VAV2: variants seen among roughly 807,000 people sequenced by gnomAD.
VAV2 encodes guanine nucleotide exchange factor VAV2.
VAV2 carries 67 observed loss-of-function variants against 132.5 expected under a neutral mutation model. The observed-to-expected ratio is 0.51, with a 90% CI of 0.42 to 0.62. The LOEUF (loss-of-function observed/expected upper bound fraction) is 0.62. Ranked by LOEUF, VAV2 falls within the 20% of genes least tolerant of loss-of-function variation. VAV2 has a pLI of 0.00. For missense variants in VAV2, 938 were observed against 1,153.6 expected (o/e 0.81, Z 2.71); for synonymous variants, 492 against 443.5 (o/e 1.11, Z -1.37).
rs924667013 is a variant in VAV2, at chr9:133,804,297, C to T, written c.836+1784G>A. 2.6e-5 allele frequency among the ~76,000 whole-genome samples: 4 copies of T among 152,196 alleles called. No individual in the cohort carries two copies. The highest frequency in any genetic ancestry group is 4.4e-5 in the Non-Finnish European group (3 of 68,040). ...CTGACAGCCCCTTCCCCAAACAGAC[C>T]CCGACTGACGGATCTCGCCACACGC... On this transcript the variant is annotated intron_variant, in intron 9 of 29. Coordinates refer to ENST00000371850, the MANE Select transcript of VAV2 (RefSeq NM_001134398.2). The surrounding 1 kb of genome is among the most constrained non-coding windows in gnomAD (Gnocchi z 4.5).
chr9:133,988,632 C>T (rs116911072), intron 1 of VAV2, among the ~76,000 whole-genome samples: 48 of 152,310 alleles, frequency 3.2e-4, no homozygotes, highest in African/African-American at 7.0e-4. Context: ...CCTTAAGAAA[C>T]GTGAGTTTCA....
At position 133,834,974 on chromosome 9, in the gene VAV2, G is replaced by T. The variant is rs1255235643; in HGVS notation, c.381-634C>A. 6.6e-6 allele frequency among the ~76,000 whole-genome samples: 1 copy of T among 152,152 alleles called. No individual in the cohort carries two copies. Among genetic ancestry groups the T allele is most frequent in the Non-Finnish European group, 1.5e-5 (1 of 68,022 alleles). On this transcript the variant is annotated intron_variant, in intron 3 of 29. Transcript: ENST00000371850. This position sits in a 1 kb window ranked among gnomAD's most constrained non-coding sequence, Gnocchi z 5.9. ...GAAGCCCCATGGGGTCTCCCCAGAA[G>T]GAACGCGGCGGTGCTCCCCCACACT...
At chr9:133,891,887 T>G (rs1243433948) in intron 2 of VAV2, among the ~76,000 whole-genome samples, 5 of 63,638 alleles carry the variant, frequency 7.9e-5, no homozygotes, top group Admixed American at 1.9e-4. Context: ...GGGATGGAGT[T>G]GGGAGAGGTG....
chr9:133,904,265 A>G (rs905835686), intron 2 of VAV2, among the ~76,000 whole-genome samples: 2 of 152,244 alleles, frequency 1.3e-5, no homozygotes, highest in African/African-American at 4.8e-5. Flanking sequence ...AGACCCCTCT[A>G]GAGAACTGAA....
chr9:133,818,857 T>C (rs1295428248), intron 4 of VAV2, among the ~76,000 whole-genome samples: 1 of 152,076 alleles, frequency 6.6e-6, no homozygotes, highest in Non-Finnish European at 1.5e-5. Context: ...CTATGAACGA[T>C]ACTCAGCCTC....
chr9:133,916,206 G>T (rs1840083187), intron 2 of VAV2, among the ~76,000 whole-genome samples: 2 of 152,372 alleles, frequency 1.3e-5, no homozygotes, highest in Middle Eastern at 3.4e-3. Context: ...CTCCTAGCCA[G>T]CGGGGTTATC....
rs1838580879 is a variant in VAV2, at chr9:133,883,482, T to C, written c.322-22050A>G. ...CCACTTAAAAATTCGTCGGAACATG[T>C]TGAAACAATGAGGGGATAGAACAAC... On this transcript the variant is annotated intron_variant, in intron 2 of 29. Coordinates refer to ENST00000371850, the MANE Select transcript of VAV2 (RefSeq NM_001134398.2). This position sits in a 1 kb window ranked among gnomAD's most constrained non-coding sequence, Gnocchi z 4.2. 2.0e-5 allele frequency among the ~76,000 whole-genome samples: 3 copies of C among 152,100 alleles called. No homozygotes were observed. In the South Asian group the frequency reaches 6.2e-4, roughly 32 times the overall value.
chr9:133,881,235 A>C (rs188315622), intron 2 of VAV2, among the ~76,000 whole-genome samples: 2 of 152,378 alleles, frequency 1.3e-5, no homozygotes, highest in African/African-American at 4.8e-5. Context: ...GGCTCCAGAC[A>C]CAGAGAGATG....
At chr9:133,776,457 C>T (rs1260741575) in intron 23 of VAV2, among the ~76,000 whole-genome samples, 2 of 152,154 alleles carry the variant, frequency 1.3e-5, no homozygotes, top group Admixed American at 1.3e-4. Context: ...TGGTGGTGGC[C>T]ACACTCAGGC....
intron 18 of VAV2, 114 bp from the exon 19 acceptor site, chr9:133,783,705 G>T: frequency 1.1e-6 from 1 of 876,826 alleles, no homozygotes; most frequent in Non-Finnish European, 1.9e-6. Flanking sequence ...CTGTCTCCCA[G>T]CACACACATC....
At chr9:133,848,841 G>A (rs1013550946) in intron 3 of VAV2, among the ~76,000 whole-genome samples, 31 of 152,336 alleles carry the variant, frequency 2.0e-4, no homozygotes, top group Admixed American at 7.8e-4. Context: ...ACCCAGGCCC[G>A]TGTTTGGGTT....
At chr9:133,793,993 A>G (rs376028473) in intron 12 of VAV2, among the ~76,000 whole-genome samples, 109 of 152,224 alleles carry the variant, frequency 7.2e-4, no homozygotes, top group African/African-American at 2.5e-3. Context: ...AGGCAGACGC[A>G]CACCCGCAAG....
At chr9:133,941,751 G>A (rs975007317) in intron 1 of VAV2, among the ~76,000 whole-genome samples, 4 of 151,904 alleles carry the variant, frequency 2.6e-5, no homozygotes, top group African/African-American at 7.3e-5. Flanking sequence ...TTACAGGCAC[G>A]CACCACCATG....
intron 2 of VAV2, among the ~76,000 whole-genome samples, chr9:133,873,114 G>GT (rs1473164451): frequency 7.9e-6 from 1 of 126,436 alleles, no homozygotes; most frequent in Non-Finnish European, 1.7e-5. Context: ...GGGCGGGGGG[G>GT]TGGGGGAGGG....
chr9:133,933,241 G>A (rs1840747529), intron 2 of VAV2, among the ~76,000 whole-genome samples: 1 of 152,260 alleles, frequency 6.6e-6, no homozygotes, highest in African/African-American at 2.4e-5. Flanking sequence ...CAAAGCTCCA[G>A]AGTTTTTACT....
At chr9:133,811,477 G>A (rs1315702290) in intron 5 of VAV2, among the ~76,000 whole-genome samples, 1 of 152,224 alleles carries the variant, frequency 6.6e-6, no homozygotes, top group Non-Finnish European at 1.5e-5. Context: ...GGAGCCTGGG[G>A]GTCTGAGGGC....
At chr9:133,875,866 G>A (rs143814453) in intron 2 of VAV2, among the ~76,000 whole-genome samples, 1 of 152,222 alleles carries the variant, frequency 6.6e-6, no homozygotes, top group Non-Finnish European at 1.5e-5. Flanking sequence ...GAGGAGACCA[G>A]CATCTGAGTC....
Position 133,926,150 on chromosome 9 carries a change from A to C in VAV2, c.321+12953T>G, listed in dbSNP as rs1341985515. ...AAGAGGTCATCCAGCCAGTCCAACC[A>C]AATGGATTGATTCCCAGATGGGGAA... On this transcript the variant is annotated intron_variant, in intron 2 of 29. Coordinates refer to ENST00000371850, the MANE Select transcript of VAV2 (RefSeq NM_001134398.2). This position sits in a 1 kb window ranked among gnomAD's most constrained non-coding sequence, Gnocchi z 4.3. 2 of 152,374 alleles carry C rather than the reference A, an allele frequency of 1.3e-5. No homozygotes were observed. The highest frequency in any genetic ancestry group is 1.5e-5 in the Non-Finnish European group (1 of 68,170). 9.4% of individuals were successfully genotyped at this position (152,374 alleles called of 1,614,324 possible). A position where few individuals can be genotyped will look rare whatever the true frequency, so the allele number is the denominator to read the frequency against.
At chr9:133,808,912 C>T (rs1588205960) in intron 7 of VAV2, 128 bp downstream of exon 7, 2 of 839,886 alleles carry the variant, frequency 2.4e-6, no homozygotes, top group Non-Finnish European at 1.8e-6. Context: ...GGGAGGGCCA[C>T]CAAGTCTCCT....
Sources: allele counts gnomAD v4.1 joint callset (sites outside exome capture counted in the v4.1 genomes callset), GRCh38; gene constraint gnomAD v4.1.1; non-coding constraint Gnocchi (gnomAD v3.1); transcripts MANE v1.5; gene names NCBI Gene and HGNC (gene_info 2026-07-23, HGNC 2026-07-21).